Variants in LDB2 observed in about 807,000 individuals in gnomAD.
The protein encoded by LDB2 is LIM domain-binding protein 2.
A neutral mutation model predicts 44.3 loss-of-function variants in LDB2; 12 were observed. The ratio of observed to expected loss-of-function variants is 0.27; its 90% CI spans 0.17 to 0.44. The LOEUF (loss-of-function observed/expected upper bound fraction) is 0.44, where lower values mean the gene tolerates loss of function less well. LDB2 is among the 20% of genes least tolerant of loss of function. The probability of loss-of-function intolerance (pLI) is 1.00; values close to 1 mark genes in which losing one functional copy is unlikely to be tolerated. For missense variants in LDB2, 344 were observed against 473.5 expected, an observed-to-expected ratio of 0.73 and a Z score of 2.54; for synonymous variants, 164 against 174.8, an observed-to-expected ratio of 0.94 and a Z score of 0.49.
At chr4:16,738,149 C>T (rs994415117) in intron 2 of LDB2, among the ~76,000 whole-genome samples, 2 of 152,112 alleles carry the variant, frequency 1.3e-5, no homozygotes, top group African/African-American at 4.8e-5. Context: ...GAATATCCAA[C>T]CAAAGATATC....
intron 1 of LDB2, among the ~76,000 whole-genome samples, chr4:16,794,653 G>C (rs1040039246): frequency 3.3e-5 from 5 of 152,154 alleles, no homozygotes; most frequent in Non-Finnish European, 7.4e-5. Context: ...ATAATAAATT[G>C]ATACATTTAA....
intron 3 of LDB2, among the ~76,000 whole-genome samples, chr4:16,593,629 T>C (rs144980773): frequency 0.014 from 2,203 of 152,328 alleles, 33 homozygotes; most frequent in South Asian, 0.051. Context: ...TATGGAAATA[T>C]TCATTTCAAG....
intron 1 of LDB2, among the ~76,000 whole-genome samples, chr4:16,871,093 C>A (rs1716437925): frequency 6.6e-6 from 1 of 152,178 alleles, no homozygotes; most frequent in Non-Finnish European, 1.5e-5. Flanking sequence ...CCTCTAACTT[C>A]CAATTAAACA....
chr4:16,628,688 C>G (rs561847973), intron 2 of LDB2, among the ~76,000 whole-genome samples: 1 of 151,950 alleles, frequency 6.6e-6, no homozygotes, highest in Non-Finnish European at 1.5e-5. Flanking sequence ...GCGAGATAGA[C>G]GCAGAAGATG....
intron 1 of LDB2, among the ~76,000 whole-genome samples, chr4:16,834,833 A>G (rs1784640154): frequency 6.6e-6 from 1 of 152,140 alleles, no homozygotes; most frequent in South Asian, 2.1e-4. Flanking sequence ...TCTCAAAAAA[A>G]AAAAAAGGCA....
At chr4:16,814,267 C>T (rs7657940) in intron 1 of LDB2, among the ~76,000 whole-genome samples, 1,576 of 152,242 alleles carry the variant, frequency 0.01, 39 homozygotes, top group African/African-American at 0.035. Context: ...CCAAGCTACC[C>T]GCGGAAGCTG....
At chr4:16,840,964 G>A (rs532683238) in intron 1 of LDB2, among the ~76,000 whole-genome samples, 1 of 152,238 alleles carries the variant, frequency 6.6e-6, no homozygotes, top group East Asian at 1.9e-4. Context: ...GACTTGATTA[G>A]GAACATCAAA....
At chr4:16,599,339 A>C (rs1228855062) in intron 2 of LDB2, among the ~76,000 whole-genome samples, 1 of 152,070 alleles carries the variant, frequency 6.6e-6, no homozygotes, top group Non-Finnish European at 1.5e-5. Context: ...TCCATCTTCA[A>C]AACTCATAGT....
chr4:16,748,244 G>A (rs1388463643), intron 2 of LDB2, among the ~76,000 whole-genome samples: 3 of 152,144 alleles, frequency 2.0e-5, no homozygotes, highest in Admixed American at 6.5e-5. Flanking sequence ...AATACATATT[G>A]TGACAGGGAA....
chr4:16,579,901 A>C (rs1008953795), intron 5 of LDB2, among the ~76,000 whole-genome samples: 1 of 152,164 alleles, frequency 6.6e-6, no homozygotes, highest in Admixed American at 6.5e-5. Flanking sequence ...GTGGGGAGAC[A>C]ATTCTTATAT....
At chr4:16,528,725 T>C (rs1406276631) in intron 5 of LDB2, among the ~76,000 whole-genome samples, 2 of 152,128 alleles carry the variant, frequency 1.3e-5, no homozygotes, top group East Asian at 1.9e-4. Flanking sequence ...GCAGAAGATG[T>C]TAAGAGGAAA....
chr4:16,540,401 A>T (rs1733372087), intron 5 of LDB2, among the ~76,000 whole-genome samples: 1 of 152,218 alleles, frequency 6.6e-6, no homozygotes, highest in South Asian at 2.1e-4. Flanking sequence ...AAATGTGTTT[A>T]TTAAATTAAG....
chr4:16,710,379 G>A (rs754736398), intron 2 of LDB2, among the ~76,000 whole-genome samples: 3 of 152,174 alleles, frequency 2.0e-5, no homozygotes, highest in Admixed American at 1.3e-4. Flanking sequence ...GCTTTAAAAC[G>A]TGGAGTGTTT....
chr4:16,691,931 C>T (rs1750865451), intron 2 of LDB2, among the ~76,000 whole-genome samples: 1 of 152,124 alleles, frequency 6.6e-6, no homozygotes, highest in South Asian at 2.1e-4. Context: ...TACATCTTTT[C>T]TCTGCAGGCT....
chr4:16,852,871 T>C (rs1788563868), intron 1 of LDB2, among the ~76,000 whole-genome samples: 1 of 152,168 alleles, frequency 6.6e-6, no homozygotes, highest in South Asian at 2.1e-4. Context: ...CTCATATAAA[T>C]ATTGAAGTAA....
intron 1 of LDB2, among the ~76,000 whole-genome samples, chr4:16,897,331 A>G (rs141846433): frequency 3.3e-5 from 5 of 152,278 alleles, no homozygotes; most frequent in Non-Finnish European, 5.9e-5. Context: ...ATTCCTAGCA[A>G]TTTCCACTTC....
intron 2 of LDB2, among the ~76,000 whole-genome samples, chr4:16,721,161 C>T (rs2152682551): frequency 6.6e-6 from 1 of 152,314 alleles, no homozygotes; most frequent in East Asian, 1.9e-4. Flanking sequence ...TATGCTTGGA[C>T]TGTTTGTAAA....
chr4:16,596,631 TTATTC>T (rs1271363306), intron 2 of LDB2, among the ~76,000 whole-genome samples: 1 of 152,208 alleles, frequency 6.6e-6, no homozygotes, highest in Non-Finnish European at 1.5e-5. Context: ...TAAATACTGA[TTATTC>T]TATCTGCTTT....
intron 3 of LDB2, among the ~76,000 whole-genome samples, chr4:16,591,726 A>T (rs1719030470): frequency 6.6e-6 from 1 of 152,230 alleles, no homozygotes; most frequent in Non-Finnish European, 1.5e-5. Context: ...GAGGCAAATA[A>T]GAAAAAATAT....
Sources: allele counts gnomAD v4.1 joint callset (sites outside exome capture counted in the v4.1 genomes callset), GRCh38; gene constraint gnomAD v4.1.1; transcripts MANE v1.5; gene names NCBI Gene and HGNC (gene_info 2026-07-23, HGNC 2026-07-21).